PRKCQ: variants seen among roughly 807,000 people sequenced by gnomAD.
PRKCQ encodes the protein protein kinase C theta type.
In PRKCQ, 41 loss-of-function variants were observed where a neutral mutation model predicts 91.2. The observed-to-expected ratio is 0.45, with a 90% CI of 0.35 to 0.58. The LOEUF (loss-of-function observed/expected upper bound fraction) is 0.58, where lower values mean the gene tolerates loss of function less well. PRKCQ is among the 20% of genes least tolerant of loss of function. PRKCQ has a pLI of 0.00. For missense variants in PRKCQ, 673 were observed against 896.5 expected, an observed-to-expected ratio of 0.75 and a Z score of 3.18; for synonymous variants, 307 against 316.9, an observed-to-expected ratio of 0.97 and a Z score of 0.33.
chr10:6,480,423 G>A (rs1426280720), intron 11 of PRKCQ, among the ~76,000 whole-genome samples: 3 of 152,204 alleles, frequency 2.0e-5, no homozygotes, highest in Non-Finnish European at 4.4e-5. Flanking sequence ...AAGGACACCA[G>A]ATGGCATATG....
At chr10:6,566,411 C>T (rs552592252) in intron 1 of PRKCQ, among the ~76,000 whole-genome samples, 13 of 152,256 alleles carry the variant, frequency 8.5e-5, no homozygotes, top group African/African-American at 1.9e-4. Context: ...GGTCTGGATG[C>T]GAAAAGGACC....
At chr10:6,514,367 A>G (rs905137589) in intron 2 of PRKCQ, among the ~76,000 whole-genome samples, 1 of 152,032 alleles carries the variant, frequency 6.6e-6, no homozygotes, top group Non-Finnish European at 1.5e-5. Flanking sequence ...CCACAGAGAC[A>G]TTCCCTACAC....
chr10:6,484,956 A>C (rs556163755), intron 10 of PRKCQ, among the ~76,000 whole-genome samples, 196 bp downstream of exon 10: 1 of 152,332 alleles, frequency 6.6e-6, no homozygotes, highest in South Asian at 2.1e-4. Flanking sequence ...CCCATTTTCT[A>C]ACCCCCACCT....
chr10:6,495,263 T>C (rs976169270), intron 7 of PRKCQ, among the ~76,000 whole-genome samples: 2 of 152,216 alleles, frequency 1.3e-5, no homozygotes, highest in Admixed American at 6.5e-5. Context: ...CAATCATTTT[T>C]CCAGGCTCCA....
chr10:6,572,131 G>C (rs143628854), intron 1 of PRKCQ, among the ~76,000 whole-genome samples: 1 of 152,132 alleles, frequency 6.6e-6, no homozygotes, highest in African/African-American at 2.4e-5. Context: ...CCTTCCCATC[G>C]CTCCCTCTTC....
intron 14 of PRKCQ, among the ~76,000 whole-genome samples, chr10:6,458,983 G>A (rs1387994450): frequency 1.3e-5 from 2 of 152,134 alleles, no homozygotes; most frequent in East Asian, 1.9e-4. Context: ...TCTGGCAGAT[G>A]GTGAGTGACG....
intron 1 of PRKCQ, among the ~76,000 whole-genome samples, chr10:6,552,125 G>A (rs1025607629): frequency 3.3e-5 from 5 of 151,930 alleles, no homozygotes; most frequent in African/African-American, 9.7e-5. Context: ...TCTTCTTTGA[G>A]GAAATGTCTA....
At chr10:6,566,543 G>C (rs1840843065) in intron 1 of PRKCQ, among the ~76,000 whole-genome samples, 1 of 152,114 alleles carries the variant, frequency 6.6e-6, no homozygotes, top group Non-Finnish European at 1.5e-5. Context: ...TGTTGGGTGG[G>C]TCTGGAAGGT....
chr10:6,468,269 C>T (rs1047906532), intron 12 of PRKCQ, among the ~76,000 whole-genome samples: 5 of 152,072 alleles, frequency 3.3e-5, no homozygotes, highest in Non-Finnish European at 7.4e-5. Context: ...TAAAAGTGGC[C>T]TCAAAAGTTA....
the PRKCQ span, among the ~76,000 whole-genome samples, chr10:6,400,347 CAAG>C: frequency 6.6e-6 from 1 of 152,188 alleles, no homozygotes; most frequent in Non-Finnish European, 1.5e-5. Flanking sequence ...TGATGCATTC[CAAG>C]ATTCTGGAAG....
chr10:6,529,679 C>A (rs1294584704), intron 1 of PRKCQ, among the ~76,000 whole-genome samples: 1 of 152,146 alleles, frequency 6.6e-6, no homozygotes, highest in Non-Finnish European at 1.5e-5. Context: ...GGAGTATAGG[C>A]CAGCTCTATC....
At chr10:6,577,183 G>A (rs1029821160) in intron 1 of PRKCQ, among the ~76,000 whole-genome samples, 9 of 152,196 alleles carry the variant, frequency 5.9e-5, no homozygotes, top group Non-Finnish European at 1.2e-4. Flanking sequence ...CTGGGCTTGA[G>A]TGAGCTTTCC....
chr10:6,537,304 G>A (rs928769550), intron 1 of PRKCQ, among the ~76,000 whole-genome samples: 6 of 152,166 alleles, frequency 3.9e-5, no homozygotes, highest in Non-Finnish European at 8.8e-5. Context: ...AAATGAGGAG[G>A]ACTAACAAAA....
chr10:6,512,842 G>A (rs150879436), intron 2 of PRKCQ, among the ~76,000 whole-genome samples: 96 of 152,182 alleles, frequency 6.3e-4, no homozygotes, highest in African/African-American at 2.1e-3. Context: ...ACTACTAAAC[G>A]TGGAATAGAA....
chr10:6,507,636 T>C (rs901805559), intron 3 of PRKCQ, 140 bp from the exon 4 acceptor site: 30 of 735,796 alleles, frequency 4.1e-5, no homozygotes, highest in Middle Eastern at 2.4e-4. Flanking sequence ...CTCAAACTCA[T>C]TGTCATCAGA....
intron 1 of PRKCQ, among the ~76,000 whole-genome samples, chr10:6,570,636 CCT>C (rs973751050): frequency 2.2e-4 from 34 of 151,390 alleles, no homozygotes; most frequent in African/African-American, 8.0e-4. Context: ...CTCACTGCAA[CCT>C]CTGTCTCCTG....
chr10:6,428,000 T>C lies in PRKCQ; in HGVS notation c.*207A>G. 2 of 606,288 alleles carry C rather than the reference T, an allele frequency of 3.3e-6. No individual in the cohort carries two copies. The highest frequency in any genetic ancestry group is 2.9e-6 in the Non-Finnish European group (1 of 350,724). The allele number at this position is 606,288 out of a possible 1,614,324, so 37.6% of individuals were successfully genotyped here. On this transcript the variant is annotated 3_prime_UTR_variant, in exon 18 of 18. Transcript: ENST00000263125. Reference sequence around the variant, plus strand: ...ACTTCAGGAGCGTCTGTGAGACATGTCAGGAGACGAGACACACGGCATCGT... The same window carrying C: ...ACTTCAGGAGCGTCTGTGAGACATGCCAGGAGACGAGACACACGGCATCGT...
At chr10:6,557,941 T>C (rs528365797) in intron 1 of PRKCQ, among the ~76,000 whole-genome samples, 25 of 152,356 alleles carry the variant, frequency 1.6e-4, no homozygotes, top group South Asian at 1.2e-3. Flanking sequence ...TTTTGTTGCA[T>C]TTCATCACTG....
the PRKCQ span, among the ~76,000 whole-genome samples, chr10:6,417,215 G>T: frequency 6.6e-6 from 1 of 152,162 alleles, no homozygotes; most frequent in Non-Finnish European, 1.5e-5. Flanking sequence ...GTTAAAAGTG[G>T]GTAGTTTCTA....
Sources: gnomAD v4.1 joint callset for allele counts (sites outside exome capture counted in the v4.1 genomes callset) on GRCh38, gnomAD v4.1.1 for gene constraint, MANE v1.5 for transcripts, NCBI Gene and HGNC (gene_info 2026-07-23, HGNC 2026-07-21) for gene names.